Variants in CCDC148 observed in about 807,000 individuals in gnomAD.
CCDC148 encodes the protein coiled-coil domain-containing protein 148.
A neutral mutation model predicts 85.7 loss-of-function variants in CCDC148; 89 were observed. That is an observed-to-expected ratio of 1.04 (90% CI 0.87 to 1.24). The LOEUF is 1.24. Ranked by LOEUF, CCDC148 falls within the 50% of genes most tolerant of loss-of-function variation. CCDC148 has a pLI of 0.00. For missense variants in CCDC148, 692 were observed against 671.7 expected (o/e 1.03, Z -0.33); for synonymous variants, 230 against 213.9 (o/e 1.08, Z -0.66).
chr2:158,313,765 C>A lies in CCDC148; in HGVS notation c.894G>T (p.Arg298Ser). 1 of 1,613,390 alleles carries A rather than the reference C, an allele frequency of 6.2e-7. No homozygotes were observed. The highest frequency in any genetic ancestry group is 8.5e-7 in the Non-Finnish European group (1 of 1,179,666). ...MLQRYFPHKSRHDLVEHEKYC... is the reference protein window; with the variant it reads ...MLQRYFPHKSSHDLVEHEKYC... ...TAGGTCCAGTACTCACCAAATCATG[C>A]CTAGATTTGTGAGGAAAATATCTTT... The change falls in exon 8 of 14, where the codon AGG becomes AGT. Residue 298 changes from arginine (R) to serine (S), a missense_variant. Physicochemically the swap from Arg to Ser is moderately radical, Grantham distance 110 (BLOSUM62 -1). Coordinates refer to ENST00000283233, the MANE Select transcript of CCDC148 (RefSeq NM_138803.4).
At chr2:158,375,543 C>G (rs1684616116) in intron 1 of CCDC148, among the ~76,000 whole-genome samples, 1 of 152,056 alleles carries the variant, frequency 6.6e-6, no homozygotes, top group African/African-American at 2.4e-5. Flanking sequence ...GAAATTTTAT[C>G]CTCTGAAGTT....
At chr2:158,259,628 T>G (rs1047166717) in intron 9 of CCDC148, among the ~76,000 whole-genome samples, 3 of 151,810 alleles carry the variant, frequency 2.0e-5, no homozygotes, top group Non-Finnish European at 4.4e-5. Context: ...AGCCTCTTAA[T>G]AGCAGTGGCT....
intron 1 of CCDC148, among the ~76,000 whole-genome samples, chr2:158,417,014 G>C (rs1033197397): frequency 2.0e-5 from 3 of 152,188 alleles, no homozygotes; most frequent in South Asian, 4.1e-4. Context: ...AGGAGGAAGA[G>C]AGCAAAGGGA....
intron 2 of CCDC148, among the ~76,000 whole-genome samples, chr2:158,351,395 A>G (rs1683272838): frequency 6.6e-6 from 1 of 152,146 alleles, no homozygotes; most frequent in Non-Finnish European, 1.5e-5. Flanking sequence ...GCGCGAGCCG[A>G]AGCAGGGCGA....
chr2:158,432,654 A>G (rs553294857), intron 1 of CCDC148, among the ~76,000 whole-genome samples: 13 of 152,338 alleles, frequency 8.5e-5, no homozygotes, highest in African/African-American at 1.9e-4. Context: ...AATTTTATCA[A>G]TCTTCTGAGG....
At chr2:158,342,951 T>G (rs981517674) in intron 3 of CCDC148, among the ~76,000 whole-genome samples, 4 of 152,188 alleles carry the variant, frequency 2.6e-5, no homozygotes, top group African/African-American at 4.8e-5. Flanking sequence ...ATTTGAAAAT[T>G]TTGTCTAGTT....
chr2:158,438,208 T>C (rs1033085869), intron 1 of CCDC148, among the ~76,000 whole-genome samples: 2 of 152,286 alleles, frequency 1.3e-5, no homozygotes, highest in Admixed American at 6.5e-5. Flanking sequence ...GGCATCATGT[T>C]ACCTGACTTC....
intron 4 of CCDC148, 32 bp downstream of exon 4, chr2:158,340,566 C>A: frequency 6.7e-7 from 1 of 1,484,684 alleles, no homozygotes; most frequent in South Asian, 1.2e-5. Flanking sequence ...AAATAAAACT[C>A]CCCTTTAAAT....
At chr2:158,192,267 C>T (rs1685458376) in intron 11 of CCDC148, among the ~76,000 whole-genome samples, 1 of 152,006 alleles carries the variant, frequency 6.6e-6, no homozygotes, top group South Asian at 2.1e-4. Context: ...ATGGGTCTCT[C>T]TTTGGATATC....
At chr2:158,254,807 G>T (rs912990433) in intron 9 of CCDC148, among the ~76,000 whole-genome samples, 3 of 151,492 alleles carry the variant, frequency 2.0e-5, no homozygotes, top group Admixed American at 1.3e-4. Flanking sequence ...GATGTCCTGT[G>T]ATTTAAAGAA....
At chr2:158,342,152 C>A (rs1024530947) in intron 3 of CCDC148, among the ~76,000 whole-genome samples, 1 of 150,854 alleles carries the variant, frequency 6.6e-6, no homozygotes, top group Non-Finnish European at 1.5e-5. Flanking sequence ...GCCTCAGCCT[C>A]CCAAGTAGCT....
intron 1 of CCDC148, among the ~76,000 whole-genome samples, chr2:158,407,036 T>G (rs995204304): frequency 2.0e-5 from 3 of 152,240 alleles, no homozygotes; most frequent in African/African-American, 7.2e-5. Context: ...CTTTCCCCTC[T>G]ACTCGCATTT....
chr2:158,451,406 T>C (rs1688399299), intron 1 of CCDC148, among the ~76,000 whole-genome samples: 1 of 152,310 alleles, frequency 6.6e-6, no homozygotes, highest in Non-Finnish European at 1.5e-5. Flanking sequence ...CTGATTTTCC[T>C]CCTGAGAAAT....
intron 1 of CCDC148, chr2:158,447,548 T>C: frequency 6.6e-6 from 1 of 152,248 alleles, no homozygotes; most frequent in East Asian, 1.9e-4. Context: ...AGTTGCAGTT[T>C]TTTCACATCT....
At chr2:158,295,629 C>G (rs7563761) in intron 9 of CCDC148, among the ~76,000 whole-genome samples, 115,152 of 126,620 alleles carry the variant, frequency 0.91, 52,514 homozygotes, top group East Asian at 0.98. Context: ...AAAACCACAT[C>G]ATTATCTCAA....
At chr2:158,441,111 TA>T (rs1364608750) in intron 1 of CCDC148, among the ~76,000 whole-genome samples, 2 of 152,058 alleles carry the variant, frequency 1.3e-5, no homozygotes, top group Non-Finnish European at 2.9e-5. Context: ...AATTACCCCC[TA>T]TATAGGCTAT....
chr2:158,196,300 TGA>T lies in CCDC148; in HGVS notation c.1371-17306_1371-17305del, dbSNP rs201507769. ...AAATCTGTATGGCAGAAATAATATA[TGA>T]GAGTATGCCACTGCACATCTCTTCC... On this transcript the variant is annotated intron_variant, in intron 11 of 13. Transcript: ENST00000283233. Among the ~76,000 whole-genome samples, 14 of 152,306 alleles carry T rather than the reference TGA, an allele frequency of 9.2e-5. No individual in the cohort carries two copies. In the East Asian group the frequency reaches 2.7e-3, roughly 29 times the overall value.
intron 10 of CCDC148, among the ~76,000 whole-genome samples, chr2:158,240,607 C>G (rs1688315162): frequency 6.6e-6 from 1 of 152,044 alleles, no homozygotes; most frequent in Non-Finnish European, 1.5e-5. Flanking sequence ...TACCATCTCA[C>G]AGGGACCTCT....
At chr2:158,357,301 G>A (rs923012902) in intron 2 of CCDC148, among the ~76,000 whole-genome samples, 4 of 151,384 alleles carry the variant, frequency 2.6e-5, no homozygotes, top group Non-Finnish European at 5.9e-5. Context: ...AAAAAAAAAG[G>A]TAAGGGCTAT....
Sources: allele counts gnomAD v4.1 joint callset (sites outside exome capture counted in the v4.1 genomes callset), GRCh38; gene constraint gnomAD v4.1.1; transcripts MANE v1.5; gene names NCBI Gene and HGNC (gene_info 2026-07-23, HGNC 2026-07-21).